Variants in ZNF536 observed in about 807,000 individuals in gnomAD.
ZNF536 encodes zinc finger protein 536.
Under a neutral mutation model 84.5 loss-of-function variants are expected in ZNF536, and 13 were observed. The observed-to-expected ratio is 0.15, with a 90% CI of 0.10 to 0.24. The LOEUF (loss-of-function observed/expected upper bound fraction) is 0.24. ZNF536 is among the 10% of genes least tolerant of loss of function. The pLI is 1.00. For synonymous variants in ZNF536, 811 were observed against 742.5 expected (o/e 1.09, Z -1.50); for missense variants, 1,536 against 1,747.5 (o/e 0.88, Z 2.16).
At position 30,457,051 on chromosome 19, in the gene ZNF536, A is replaced by C. The variant is rs1290084517; in HGVS notation, c.2170+11319A>C. The stretch of plus-strand genomic sequence containing the variant: ...AGCAAGACTTCATCTCAAAAAAAAA[A>C]AAAAACAAAAAAAAAGATGAATAGA... On this transcript the variant is annotated intron_variant, in intron 2 of 4. Transcript: ENST00000355537. 2.1e-5 allele frequency among the ~76,000 whole-genome samples: 3 copies of C among 142,434 alleles called. 1 individual carries two copies. Among genetic ancestry groups the C allele is most frequent in the East Asian group, 1.9e-4 (1 of 5,180 alleles). The allele number at this position is 142,434 out of a possible 152,430, so 93.4% of individuals were successfully genotyped here.
At chr19:30,514,359 G>T (rs906780096) in intron 2 of ZNF536, among the ~76,000 whole-genome samples, 2 of 151,970 alleles carry the variant, frequency 1.3e-5, no homozygotes, top group African/African-American at 4.8e-5. Context: ...TGGCATGCTG[G>T]GTTTCGCATG....
chr19:30,479,423 T>C (rs899279992), intron 2 of ZNF536, among the ~76,000 whole-genome samples: 1 of 152,182 alleles, frequency 6.6e-6, no homozygotes, highest in Non-Finnish European at 1.5e-5. Context: ...GGAAAATATC[T>C]GCGGTTGGGA....
At chr19:30,613,272 C>T (rs1456112032) in intron 1 of ZNF536, among the ~76,000 whole-genome samples, 2 of 152,164 alleles carry the variant, frequency 1.3e-5, no homozygotes, top group African/African-American at 4.8e-5. Context: ...TGGGCAGATA[C>T]TCTGAGACAA....
At chr19:30,540,743 G>T (rs2045297240) in intron 3 of ZNF536, among the ~76,000 whole-genome samples, 1 of 152,236 alleles carries the variant, frequency 6.6e-6, no homozygotes, top group African/African-American at 2.4e-5. Context: ...TTTCTGGCTT[G>T]TTTTAGGGAA....
intron 1 of ZNF536, among the ~76,000 whole-genome samples, chr19:30,430,777 C>T (rs933306309): frequency 2.0e-5 from 3 of 152,176 alleles, no homozygotes; most frequent in South Asian, 4.1e-4. Context: ...CCAGTTCAAG[C>T]GATTCTCCTG....
chr19:30,261,964 C>G lies in ZNF536; in HGVS notation c.-189-22108C>G, dbSNP rs566874084. On this transcript the variant is annotated intron_variant, in intron 1 of 5. Transcript: ENST00000585628. Reference sequence around the variant, plus strand: ...GTTTTATTGAGAGGAGTCCCACCCCCTCTTCACATCTCAGGCTGCTGGTGG... The same window carrying G: ...GTTTTATTGAGAGGAGTCCCACCCCGTCTTCACATCTCAGGCTGCTGGTGG... Among the ~76,000 whole-genome samples, 9 of 152,254 alleles carry G rather than the reference C, an allele frequency of 5.9e-5. No homozygotes were observed. In the South Asian group the frequency reaches 1.2e-3, roughly 21 times the overall value.
At chr19:30,469,895 C>G (rs759484907) in intron 2 of ZNF536, among the ~76,000 whole-genome samples, 11 of 152,344 alleles carry the variant, frequency 7.2e-5, no homozygotes, top group African/African-American at 2.4e-4. Flanking sequence ...AGCCCACCCC[C>G]ACATCTTCCC....
At chr19:30,509,013 C>A (rs968376992) in intron 2 of ZNF536, among the ~76,000 whole-genome samples, 9 of 150,264 alleles carry the variant, frequency 6.0e-5, no homozygotes, top group Admixed American at 4.6e-4. Context: ...TAAAAAATTT[C>A]TTGTTGAGAT....
At chr19:30,438,982 C>T (rs1232961680) in intron 1 of ZNF536, among the ~76,000 whole-genome samples, 1 of 152,122 alleles carries the variant, frequency 6.6e-6, no homozygotes, top group African/African-American at 2.4e-5. Context: ...CAGGTCTTAT[C>T]GTTTGCAGGC....
chr19:30,438,150 A>G (rs758087086), intron 1 of ZNF536, among the ~76,000 whole-genome samples: 2 of 152,096 alleles, frequency 1.3e-5, no homozygotes, highest in Admixed American at 1.3e-4. Flanking sequence ...TTACATGGGT[A>G]TATTGCATAA....
chr19:30,280,978 T>C (rs551307231), intron 1 of ZNF536, among the ~76,000 whole-genome samples: 1 of 152,304 alleles, frequency 6.6e-6, no homozygotes, highest in East Asian at 1.9e-4. Context: ...GGGTGGGTCC[T>C]GCCTTGCCTG....
At chr19:30,651,434 G>A (rs2049702005) in intron 1 of ZNF536, among the ~76,000 whole-genome samples, 1 of 152,158 alleles carries the variant, frequency 6.6e-6, no homozygotes, top group South Asian at 2.1e-4. Flanking sequence ...CAAGGGGGAG[G>A]GAGGAAGGGA....
intron 2 of ZNF536, among the ~76,000 whole-genome samples, chr19:30,462,349 G>A (rs2053179452): frequency 6.6e-6 from 1 of 151,862 alleles, no homozygotes; most frequent in African/African-American, 2.4e-5. Flanking sequence ...TGTGCATGTG[G>A]GGATATGGAT....
chr19:30,427,372 G>C (rs2051261310), intron 1 of ZNF536, among the ~76,000 whole-genome samples: 1 of 152,150 alleles, frequency 6.6e-6, no homozygotes, highest in Non-Finnish European at 1.5e-5. Context: ...GTGGCCCTTT[G>C]GTGGAAGCTT....
intron 1 of ZNF536, among the ~76,000 whole-genome samples, chr19:30,391,193 C>T (rs2147336740): frequency 6.6e-6 from 1 of 152,350 alleles, no homozygotes; most frequent in East Asian, 1.9e-4. Context: ...TTCCAAAACA[C>T]AATACCACAG....
chr19:30,366,544 G>T (rs1310468389), intron 3 of ZNF536, among the ~76,000 whole-genome samples: 1 of 151,140 alleles, frequency 6.6e-6, no homozygotes, highest in Non-Finnish European at 1.5e-5. Context: ...TATACAGATA[G>T]ATCTATTTAC....
intron 3 of ZNF536, among the ~76,000 whole-genome samples, chr19:30,539,697 C>T (rs1025690108): frequency 1.1e-4 from 16 of 152,160 alleles, no homozygotes; most frequent in African/African-American, 3.9e-4. Context: ...CTTGGGAAGC[C>T]AGGTGCCTGG....
At chr19:30,496,029 C>T (rs951586751) in intron 2 of ZNF536, among the ~76,000 whole-genome samples, 1 of 152,154 alleles carries the variant, frequency 6.6e-6, no homozygotes, top group Admixed American at 6.5e-5. Context: ...GTGCCTGGCA[C>T]ATAGTAGGTA....
intron 1 of ZNF536, among the ~76,000 whole-genome samples, chr19:30,611,531 C>T (rs938881292): frequency 6.6e-6 from 1 of 152,200 alleles, no homozygotes. Context: ...TAATTACTTC[C>T]ATACTTTTAT....
Sources: allele counts gnomAD v4.1 joint callset (sites outside exome capture counted in the v4.1 genomes callset), GRCh38; gene constraint gnomAD v4.1.1; transcripts MANE v1.5; gene names NCBI Gene and HGNC (gene_info 2026-07-23, HGNC 2026-07-21).